Variants in LRPPRC observed in about 807,000 individuals in gnomAD.
LRPPRC encodes the protein leucine rich pentatricopeptide repeat containing.
LRPPRC carries 120 observed loss-of-function variants against 180.3 expected under a neutral mutation model. The ratio of observed to expected loss-of-function variants is 0.67; its 90% confidence interval spans 0.57 to 0.77. The LOEUF (loss-of-function observed/expected upper bound fraction) is 0.77, where lower values mean the gene tolerates loss of function less well. LRPPRC is among the 30% of genes least tolerant of loss of function. LRPPRC has a pLI of 0.00. For missense variants in LRPPRC, 2,012 were observed against 1,657.2 expected, an observed-to-expected ratio of 1.21 and a Z score of -3.72; for synonymous variants, 723 against 600.0, an observed-to-expected ratio of 1.21 and a Z score of -3.00.
At chr2:43,951,597 T>C (rs897603201) in intron 14 of LRPPRC, among the ~76,000 whole-genome samples, 20 of 152,180 alleles carry the variant, frequency 1.3e-4, no homozygotes, top group Admixed American at 1.2e-3. Context: ...GAAGTATTTA[T>C]GGGTAGATGA....
At chr2:43,968,757 T>C (rs1288957258) in intron 11 of LRPPRC, among the ~76,000 whole-genome samples, 1 of 152,194 alleles carries the variant, frequency 6.6e-6, no homozygotes, top group Non-Finnish European at 1.5e-5. Flanking sequence ...GGGCACGAAC[T>C]TTCTGTTAAT....
intron 5 of LRPPRC, 73 bp from the exon 6 acceptor site, chr2:43,976,302 G>T: frequency 1.2e-6 from 1 of 829,506 alleles, no homozygotes. Flanking sequence ...ACAGAATTAG[G>T]CCTTGAGTTA....
Position 43,945,401 on chromosome 2 carries a change from A to G in LRPPRC, c.2227T>C (p.Ser743Pro). 6.2e-7 allele frequency: 1 copy of G among 1,610,834 alleles called. No homozygotes were observed. Among genetic ancestry groups the G allele is most frequent in the South Asian group, 1.1e-5 (1 of 91,012 alleles). Residue 743 changes from serine (S) to proline (P), a missense_variant, in exon 22 of 38, where the codon TCT (serine) becomes CCT (proline). Transcript: ENST00000260665. ...LKEEFDRLDS[S>P]AVLDTGKYVG... ...TACTTGCCGGTGTCAAGGACAGCAG[A>G]TGAATCTAAGCGGTCACTAAAAATT...
intron 23 of LRPPRC, among the ~76,000 whole-genome samples, chr2:43,937,488 T>C (rs1179837654): frequency 6.6e-6 from 1 of 152,158 alleles, no homozygotes. Flanking sequence ...ATAATAAAGC[T>C]TGAAAACTTA....
At chr2:43,899,180 G>C (rs1410962174) in intron 34 of LRPPRC, 39 bp downstream of exon 34, 3 of 1,391,250 alleles carry the variant, frequency 2.2e-6, no homozygotes, top group African/African-American at 2.8e-5. Context: ...CTTCTTGCAA[G>C]CCTCGAGCCC....
At chr2:43,959,226 T>C (rs769898779) in intron 13 of LRPPRC, 9 of 715,964 alleles carry the variant, frequency 1.3e-5, no homozygotes, top group South Asian at 7.4e-5. Flanking sequence ...AAAATCTATA[T>C]AGTATACAGA....
Position 43,995,910 on chromosome 2 carries a change from C to T in LRPPRC, c.38G>A (p.Arg13His). ...ALLRSARWLL[R>H]AGAAPRLPLS... ...CGGGAGGCGCGGGGCCGCCCCGGCA[C>T]GCAGCAACCAACGCGCGGATCTCAG... Residue 13 changes from arginine to histidine, a missense_variant, in exon 1 of 38, where the codon CGT becomes CAT. Arg to His is a conservative substitution (Grantham distance 29). Coordinates refer to ENST00000260665, the MANE Select transcript of LRPPRC (RefSeq NM_133259.4). The T allele has an allele frequency of 6.6e-7, 1 of 1,516,316 alleles. No homozygotes were observed. Among genetic ancestry groups the T allele is most frequent in the South Asian group, 1.2e-5 (1 of 82,120 alleles). The allele number at this position is 1,516,316 out of a possible 1,614,324, so 93.9% of individuals were successfully genotyped here.
chr2:43,958,700 AC>A, intron 13 of LRPPRC, among the ~76,000 whole-genome samples: 1 of 152,300 alleles, frequency 6.6e-6, no homozygotes, highest in Non-Finnish European at 1.5e-5. Context: ...AATGTTCTCT[AC>A]TACTCCAAAA....
chr2:43,986,088 T>C (rs1265916100), intron 1 of LRPPRC, among the ~76,000 whole-genome samples: 4 of 152,206 alleles, frequency 2.6e-5, no homozygotes, highest in African/African-American at 4.8e-5. Flanking sequence ...GTATGCTTAT[T>C]TGCCATCTAT....
intron 30 of LRPPRC, among the ~76,000 whole-genome samples, chr2:43,908,576 C>T (rs1671142464): frequency 6.6e-6 from 1 of 151,670 alleles, no homozygotes; most frequent in Non-Finnish European, 1.5e-5. Context: ...GGCTGGAGTG[C>T]AGTGGCGCAA....
At chr2:43,929,547 C>CAG (rs1672010465) in intron 25 of LRPPRC, among the ~76,000 whole-genome samples, 1 of 152,086 alleles carries the variant, frequency 6.6e-6, no homozygotes, top group African/African-American at 2.4e-5. Context: ...CTAGGCTATG[C>CAG]AGTTCATCTG....
In LRPPRC at chr2:43,982,219, A is replaced by T; in HGVS notation, c.346+19T>A. On this transcript the variant is annotated intron_variant, in intron 2 of 37. Coordinates refer to ENST00000260665, the MANE Select transcript of LRPPRC (RefSeq NM_133259.4). ...GACCAGCCAAAAGTCAACTTTATGA[A>T]CAGGAAATTTTGAAATACCTGAGCG... 6.5e-7 allele frequency: 1 copy of T among 1,538,866 alleles called. No homozygotes were observed. The highest frequency in any genetic ancestry group is 8.7e-7 in the Non-Finnish European group (1 of 1,144,518).
At chr2:43,982,954 T>C (rs534201422) in intron 1 of LRPPRC, among the ~76,000 whole-genome samples, 2 of 152,226 alleles carry the variant, frequency 1.3e-5, no homozygotes, top group East Asian at 3.8e-4. Flanking sequence ...AAGGATCATT[T>C]AGGCCCAAAT....
intron 1 of LRPPRC, among the ~76,000 whole-genome samples, chr2:43,989,984 T>C (rs1353998843): frequency 6.6e-6 from 1 of 152,104 alleles, no homozygotes; most frequent in Non-Finnish European, 1.5e-5. Flanking sequence ...GAGGCTGAGG[T>C]GGTGGATCAC....
At chr2:43,934,656 T>C in intron 24 of LRPPRC, 98 bp downstream of exon 24, 1 of 989,050 alleles carries the variant, frequency 1.0e-6, no homozygotes, top group Non-Finnish European at 1.6e-6. Flanking sequence ...TTTATCTGAA[T>C]GTGCTGGCCT....
At chr2:43,991,124 G>A (rs893947272) in intron 1 of LRPPRC, among the ~76,000 whole-genome samples, 5 of 151,534 alleles carry the variant, frequency 3.3e-5, no homozygotes, top group African/African-American at 9.7e-5. Context: ...CCGCCTCCCA[G>A]GTTCATGCCA....
intron 35 of LRPPRC, among the ~76,000 whole-genome samples, chr2:43,895,145 A>G (rs570194308): frequency 1.1e-4 from 17 of 152,314 alleles, no homozygotes; most frequent in African/African-American, 3.6e-4. Flanking sequence ...TGAATACAGA[A>G]CTGCTATGCC....
intron 1 of LRPPRC, among the ~76,000 whole-genome samples, chr2:43,987,551 A>T (rs1418738283): frequency 6.6e-6 from 1 of 151,526 alleles, no homozygotes. Flanking sequence ...GCAACCAACC[A>T]TTCCACTAAT....
At chr2:43,892,729 T>C (rs149450233) in intron 36 of LRPPRC, 45 of 152,050 alleles carry the variant, frequency 3.0e-4, no homozygotes, top group African/African-American at 1.0e-3. Context: ...ATTGGAATGA[T>C]ACAGAGAAGA....
Sources: allele counts gnomAD v4.1 joint callset (sites outside exome capture counted in the v4.1 genomes callset), GRCh38; gene constraint gnomAD v4.1.1; transcripts MANE v1.5; gene names NCBI Gene and HGNC (gene_info 2026-07-23, HGNC 2026-07-21).